CACNB4: variants seen among roughly 807,000 people sequenced by gnomAD.
The protein encoded by CACNB4 is calcium voltage-gated channel auxiliary subunit beta 4, also known as voltage-dependent L-type calcium channel subunit beta-4.
In CACNB4, 32 loss-of-function variants were observed where a neutral mutation model predicts 71.2. The observed-to-expected ratio is 0.45, with a 90% CI of 0.34 to 0.60. The LOEUF (loss-of-function observed/expected upper bound fraction) is 0.60, where lower values mean the gene tolerates loss of function less well. Among genes scored for constraint, CACNB4 ranks in the 20% least tolerant of loss-of-function variants. The pLI, the probability that CACNB4 is intolerant of heterozygous loss-of-function variation, is 0.01. For missense variants in CACNB4, 464 were observed against 647.9 expected, an observed-to-expected ratio of 0.72 and a Z score of 3.08; for synonymous variants, 231 against 236.9, an observed-to-expected ratio of 0.97 and a Z score of 0.23.
intron 4 of CACNB4, among the ~76,000 whole-genome samples, chr2:151,878,576 C>CACACACACACACACACACACAGTT (rs2099847046): frequency 6.6e-6 from 1 of 151,562 alleles, no homozygotes; most frequent in Non-Finnish European, 1.5e-5. Flanking sequence ...CACACACACA[C>CACACACACACACACACACACAGTT]ACACAGTTAG....
At chr2:152,035,632 T>TCC (rs1451106487) in intron 2 of CACNB4, among the ~76,000 whole-genome samples, 1 of 101,952 alleles carries the variant, frequency 9.8e-6, no homozygotes, top group Non-Finnish European at 1.8e-5. Context: ...TCCCTCTCCC[T>TCC]CTCTCTCTCT....
chr2:151,894,999 C>T (rs2099851641), intron 2 of CACNB4, among the ~76,000 whole-genome samples: 1 of 151,780 alleles, frequency 6.6e-6, no homozygotes, highest in Non-Finnish European at 1.5e-5. Context: ...AAAGCAATCT[C>T]CAGATTCACT....
At chr2:151,967,443 T>A (rs778102811) in intron 2 of CACNB4, 3 of 151,156 alleles carry the variant, frequency 2.0e-5, no homozygotes, top group Non-Finnish European at 3.0e-5. Context: ...TTTTCCTGGC[T>A]GATAGATATG....
chr2:151,865,631 T>C (rs1318058814), intron 9 of CACNB4, among the ~76,000 whole-genome samples: 6 of 152,188 alleles, frequency 3.9e-5, no homozygotes, highest in Non-Finnish European at 8.8e-5. Flanking sequence ...AATTAATATT[T>C]GTGGTGTGAA....
chr2:151,944,142 C>T lies in CACNB4; in HGVS notation c.148-60772G>A, dbSNP rs530963851. Among the ~76,000 whole-genome samples the T allele has an allele frequency of 2.0e-5, 3 of 151,796 alleles. No individual in the cohort carries two copies. The South Asian group carries it at 6.3e-4, about 32-fold the overall frequency. ...CACCTGGACTCATGTTATCCTCCTG[C>T]CTCAGTCTCCTAAGTAGCTGAGATG... On this transcript the variant is annotated intron_variant, in intron 2 of 13. Coordinates refer to ENST00000539935, the MANE Select transcript of CACNB4 (RefSeq NM_000726.5).
intron 4 of CACNB4, chr2:151,879,821 A>G (rs1047212260): frequency 6.6e-6 from 1 of 152,242 alleles, no homozygotes; most frequent in Non-Finnish European, 1.5e-5. Context: ...ACAAATTGAG[A>G]CCTTGATACA....
At chr2:152,050,427 G>T (rs1685362293) in intron 2 of CACNB4, among the ~76,000 whole-genome samples, 1 of 152,184 alleles carries the variant, frequency 6.6e-6, no homozygotes, top group South Asian at 2.1e-4. Context: ...CTAATCAGTT[G>T]CAATCAAATG....
chr2:151,909,140 G>T (rs1005638470), intron 2 of CACNB4, among the ~76,000 whole-genome samples: 3 of 147,738 alleles, frequency 2.0e-5, no homozygotes, highest in South Asian at 4.2e-4. Flanking sequence ...CTTTAAAAAA[G>T]AGGGGGCTGG....
chr2:151,954,080 G>T (rs911208660), intron 2 of CACNB4, among the ~76,000 whole-genome samples: 2 of 152,212 alleles, frequency 1.3e-5, no homozygotes, highest in Non-Finnish European at 2.9e-5. Context: ...ACACATACCT[G>T]TGGAAGGGAT....
chr2:151,875,841 G>T (rs553809385), intron 5 of CACNB4, among the ~76,000 whole-genome samples: 5 of 142,548 alleles, frequency 3.5e-5, no homozygotes, highest in Admixed American at 3.4e-4. Context: ...TCGCCTGGCG[G>T]GGGGCTGACC....
intron 9 of CACNB4, among the ~76,000 whole-genome samples, chr2:151,864,129 TC>T (rs1201645326): frequency 1.3e-5 from 2 of 152,154 alleles, no homozygotes; most frequent in African/African-American, 4.8e-5. Flanking sequence ...TCTCAGCTAG[TC>T]CCCCTAGTTT....
chr2:151,841,190 G>C (rs945119894), intron 13 of CACNB4, among the ~76,000 whole-genome samples: 31 of 152,140 alleles, frequency 2.0e-4, no homozygotes, highest in African/African-American at 7.2e-4. Flanking sequence ...ACCTGGGTGC[G>C]GCAGGATTAA....
At chr2:151,942,957 T>C (rs2099864638) in intron 2 of CACNB4, among the ~76,000 whole-genome samples, 1 of 152,218 alleles carries the variant, frequency 6.6e-6, no homozygotes, top group African/African-American at 2.4e-5. Flanking sequence ...TGCCTTGTGA[T>C]CTTTGTTGGA....
intron 2 of CACNB4, among the ~76,000 whole-genome samples, chr2:152,053,115 T>C (rs150799076): frequency 8.5e-4 from 129 of 152,198 alleles, no homozygotes; most frequent in Non-Finnish European, 1.6e-3. Context: ...GTTTTGAATA[T>C]AAAAAAGATA....
chr2:151,877,086 TAC>T (rs562488626), intron 4 of CACNB4, among the ~76,000 whole-genome samples: 4 of 104,438 alleles, frequency 3.8e-5, no homozygotes, highest in East Asian at 2.4e-4. Flanking sequence ...TATCTATATA[TAC>T]ACATAGATAT....
At chr2:151,877,241 C>CTGT (rs1338197546) in intron 4 of CACNB4, among the ~76,000 whole-genome samples, 1 of 152,034 alleles carries the variant, frequency 6.6e-6, no homozygotes, top group Non-Finnish European at 1.5e-5. Context: ...CACGTGGTCT[C>CTGT]TGTTACAATT....
chr2:151,983,412 G>C (rs1231592024), intron 2 of CACNB4, among the ~76,000 whole-genome samples: 3 of 152,122 alleles, frequency 2.0e-5, no homozygotes, highest in Non-Finnish European at 4.4e-5. Context: ...TAAGTCCAAA[G>C]CCTTTCCCCA....
chr2:151,946,098 G>T (rs1186175590), intron 2 of CACNB4, among the ~76,000 whole-genome samples: 2 of 152,082 alleles, frequency 1.3e-5, no homozygotes, highest in African/African-American at 4.8e-5. Flanking sequence ...GGAGGCGAAG[G>T]CTGGTAGATC....
chr2:151,840,683 C>A (rs906791279), intron 13 of CACNB4, among the ~76,000 whole-genome samples: 5 of 152,198 alleles, frequency 3.3e-5, no homozygotes, highest in African/African-American at 1.2e-4. Context: ...GACAGTTTTT[C>A]TGCTTACAAA....
Sources: allele counts gnomAD v4.1 joint callset (sites outside exome capture counted in the v4.1 genomes callset), GRCh38; gene constraint gnomAD v4.1.1; transcripts MANE v1.5; gene names NCBI Gene and HGNC (gene_info 2026-07-23, HGNC 2026-07-21).